Variants in EFR3A observed in about 807,000 individuals in gnomAD.
The protein encoded by EFR3A is protein EFR3 homolog A.
A neutral mutation model predicts 104.4 loss-of-function variants in EFR3A; 76 were observed. The observed-to-expected ratio is 0.73, with a 90% confidence interval of 0.60 to 0.88. The LOEUF (loss-of-function observed/expected upper bound fraction) is 0.88. Among genes scored for constraint, EFR3A ranks in the 40% least tolerant of loss-of-function variants. The probability of loss-of-function intolerance (pLI) is 0.00; values close to 1 mark genes in which losing one functional copy is unlikely to be tolerated. For missense variants in EFR3A, 985 were observed against 1,012.5 expected (o/e 0.97, Z 0.37); for synonymous variants, 330 against 330.0 (o/e 1.00, Z 0.00).
At position 132,011,265 on chromosome 8, in the gene EFR3A, A is replaced by T. The variant is rs1308711013; in HGVS notation, c.*370A>T. ...TGTATAAATTGTTTATCTCTTAAAC[A>T]TCTACACAGCCGCTTAGATGTAGAA... On this transcript the variant is annotated 3_prime_UTR_variant, in exon 23 of 23. Transcript: ENST00000254624. The T allele has an allele frequency of 1.0e-6, 1 of 990,576 alleles. No homozygotes were observed. Among genetic ancestry groups the T allele is most frequent in the Non-Finnish European group, 1.2e-6 (1 of 833,132 alleles). The allele number at this position is 990,576 out of a possible 1,614,324, so 61.4% of individuals were successfully genotyped here.
intron 1 of EFR3A, among the ~76,000 whole-genome samples, chr8:131,924,965 A>G (rs1021941048): frequency 6.6e-6 from 1 of 152,042 alleles, no homozygotes; most frequent in Non-Finnish European, 1.5e-5. Context: ...TATCTTCCAC[A>G]GTACCTTATA....
chr8:131,944,921 T>C (rs1320934420), intron 3 of EFR3A, 49 bp downstream of exon 3: 11 of 1,581,320 alleles, frequency 7.0e-6, no homozygotes, highest in Non-Finnish European at 9.4e-6. Context: ...AAATTCTTTC[T>C]AGACTTTTAA....
chr8:131,979,103 A>G (rs1341104004), intron 13 of EFR3A, 84 bp downstream of exon 13: 21 of 1,328,772 alleles, frequency 1.6e-5, no homozygotes, highest in Non-Finnish European at 2.2e-5. Flanking sequence ...ATTTTTAAAA[A>G]TCTAGCATGT....
chr8:131,949,051 A>G (rs1463708517), intron 4 of EFR3A, among the ~76,000 whole-genome samples: 1 of 152,138 alleles, frequency 6.6e-6, no homozygotes, highest in Non-Finnish European at 1.5e-5. Context: ...AAATATAGAA[A>G]AGTGTGGAGC....
In EFR3A at chr8:132,013,365, G is replaced by C. The variant is rs1822447590; in HGVS notation, c.*2470G>C. The C allele has an allele frequency of 6.6e-6, 1 of 152,416 alleles. No homozygotes were observed. Among genetic ancestry groups the C allele is most frequent in the African/African-American group, 2.4e-5 (1 of 41,350 alleles). 9.4% of individuals were successfully genotyped at this position (152,416 alleles called of 1,614,324 possible). Reference sequence around the variant, plus strand: ...ACACACATATTTCCTTAATACTTCTGAACTCATTATCTTTTAGAATAATAA... The same window carrying C: ...ACACACATATTTCCTTAATACTTCTCAACTCATTATCTTTTAGAATAATAA... On this transcript the variant is annotated 3_prime_UTR_variant, in exon 23 of 23. Transcript: ENST00000254624.
chr8:131,979,439 A>G lies in EFR3A; in HGVS notation c.1575+18A>G, dbSNP rs1820490913. ...TGAAAAAGGTAAGACATCTTCTAAA[A>G]AAATAAATGTGTAGTGTAAATTACA... is the stretch of plus-strand genomic sequence containing the variant. On this transcript the variant is annotated intron_variant, in intron 14 of 22. Transcript: ENST00000254624. The G allele has an allele frequency of 2.7e-6, 4 of 1,486,186 alleles. No individual in the cohort carries two copies. The Middle Eastern group carries it at 5.1e-4, about 190-fold the overall frequency. The allele number at this position is 1,486,186 out of a possible 1,614,324, so 92.1% of individuals were successfully genotyped here.
intron 5 of EFR3A, among the ~76,000 whole-genome samples, chr8:131,950,637 A>G (rs375566745): frequency 6.6e-6 from 1 of 152,100 alleles, no homozygotes; most frequent in East Asian, 1.9e-4. Flanking sequence ...TCCTCTATGG[A>G]ATATAAATTC....
chr8:131,979,443 T>C, intron 14 of EFR3A, 22 bp downstream of exon 14: 1 of 1,469,706 alleles, frequency 6.8e-7, no homozygotes, highest in Non-Finnish European at 9.3e-7. Flanking sequence ...TCTAAAAAAA[T>C]AAATGTGTAG....
At chr8:131,978,707 G>C (rs1480249602) in intron 12 of EFR3A, 140 bp from the exon 13 acceptor site, 2 of 643,100 alleles carry the variant, frequency 3.1e-6, no homozygotes, top group African/African-American at 3.7e-5. Context: ...TCATTACTTT[G>C]CACATTTCTT....
chr8:131,958,424 T>G (rs139959798), intron 7 of EFR3A, among the ~76,000 whole-genome samples: 54 of 152,304 alleles, frequency 3.5e-4, no homozygotes, highest in African/African-American at 1.3e-3. Flanking sequence ...CTGTCCACTT[T>G]ATTTTAATTA....
At chr8:131,982,199 A>G (rs1444296469) in intron 14 of EFR3A, among the ~76,000 whole-genome samples, 3 of 152,078 alleles carry the variant, frequency 2.0e-5, no homozygotes, top group African/African-American at 4.8e-5. Context: ...GATAACCTAA[A>G]TATACATTAT....
intron 1 of EFR3A, among the ~76,000 whole-genome samples, chr8:131,905,910 G>T (rs1315847981): frequency 6.6e-6 from 1 of 152,216 alleles, no homozygotes; most frequent in Non-Finnish European, 1.5e-5. Flanking sequence ...TTCACAGAGT[G>T]GATATAGTAA....
Position 132,011,115 on chromosome 8 carries a change from G to A in EFR3A, c.*220G>A. Reference sequence around the variant, plus strand: ...TTTATGCCATGTTAATTTGCTTTGAGGTTCCTGTTGCCTTTTTAAGTTGAA... The same window carrying A: ...TTTATGCCATGTTAATTTGCTTTGAAGTTCCTGTTGCCTTTTTAAGTTGAA... On this transcript the variant is annotated 3_prime_UTR_variant, in exon 23 of 23. Coordinates refer to ENST00000254624, the MANE Select transcript of EFR3A (RefSeq NM_015137.6). 1 of 1,204,720 alleles carries A rather than the reference G, an allele frequency of 8.3e-7. No homozygotes were observed. Among genetic ancestry groups the A allele is most frequent in the Non-Finnish European group, 1.0e-6 (1 of 965,048 alleles). 74.6% of individuals were successfully genotyped at this position (1,204,720 alleles called of 1,614,324 possible). A position where few individuals can be genotyped will look rare whatever the true frequency, so the allele number is the denominator to read the frequency against.
At chr8:131,950,354 T>A (rs953551695) in intron 5 of EFR3A, among the ~76,000 whole-genome samples, 1 of 152,162 alleles carries the variant, frequency 6.6e-6, no homozygotes, top group African/African-American at 2.4e-5. Flanking sequence ...CATTTCTTCC[T>A]ACCTTCACTC....
chr8:131,920,543 A>G (rs1270099552), intron 1 of EFR3A, among the ~76,000 whole-genome samples: 1 of 152,214 alleles, frequency 6.6e-6, no homozygotes, highest in Non-Finnish European at 1.5e-5. Flanking sequence ...CAGATTCTCA[A>G]GCAGGATGTC....
At chr8:131,925,103 T>C (rs1039651061) in intron 1 of EFR3A, among the ~76,000 whole-genome samples, 1 of 152,092 alleles carries the variant, frequency 6.6e-6, no homozygotes, top group Non-Finnish European at 1.5e-5. Flanking sequence ...AGTTCCTTAG[T>C]CTAACCTCTG....
chr8:131,955,656 G>T, intron 6 of EFR3A, 112 bp from the exon 7 acceptor site: 1 of 1,090,542 alleles, frequency 9.2e-7, no homozygotes, highest in Non-Finnish European at 1.3e-6. Context: ...ATATTTTCTG[G>T]AGTATAAAAA....
intron 1 of EFR3A, among the ~76,000 whole-genome samples, chr8:131,912,749 T>G (rs1032942144): frequency 1.3e-5 from 2 of 152,198 alleles, no homozygotes; most frequent in African/African-American, 4.8e-5. Flanking sequence ...TTTATAATTT[T>G]TTTCAAAACC....
intron 21 of EFR3A, 151 bp from the exon 22 acceptor site, chr8:132,003,085 C>G: frequency 1.6e-6 from 1 of 614,928 alleles, no homozygotes; most frequent in East Asian, 2.9e-5. Flanking sequence ...ATAGATAAGA[C>G]AGATCAAACC....
Sources: allele counts gnomAD v4.1 joint callset (sites outside exome capture counted in the v4.1 genomes callset), GRCh38; gene constraint gnomAD v4.1.1; transcripts MANE v1.5; gene names NCBI Gene and HGNC (gene_info 2026-07-23, HGNC 2026-07-21).